HSD11B1: variants seen among roughly 807,000 people sequenced by gnomAD.
HSD11B1 encodes the protein hydroxysteroid 11-beta dehydrogenase 1, also known as 11-beta-hydroxysteroid dehydrogenase 1.
A neutral mutation model predicts 22.1 loss-of-function variants in HSD11B1; 15 were observed. That is an observed-to-expected ratio of 0.68 (90% CI 0.45 to 1.04). The LOEUF is 1.04. Among genes scored for constraint, HSD11B1 ranks in the 50% least tolerant of loss-of-function variants. The pLI, the probability that HSD11B1 is intolerant of heterozygous loss-of-function variation, is 0.00. For missense variants in HSD11B1, 281 were observed against 357.6 expected (o/e 0.79, Z 1.73); for synonymous variants, 122 against 125.2 (o/e 0.97, Z 0.17).
chr1:209,693,750 C>T (rs1460534763), intron 1 of HSD11B1, among the ~76,000 whole-genome samples: 1 of 152,204 alleles, frequency 6.6e-6, no homozygotes, highest in Non-Finnish European at 1.5e-5. Context: ...ATTTCTATCC[C>T]CCAAATCAAA....
upstream of HSD11B1, among the ~76,000 whole-genome samples, chr1:209,703,656 C>T (rs886236026): frequency 2.6e-5 from 4 of 152,116 alleles, no homozygotes; most frequent in Non-Finnish European, 5.9e-5. Context: ...AGATACTGCA[C>T]TTGGAATCAT....
intron 4 of HSD11B1, among the ~76,000 whole-genome samples, chr1:209,729,462 T>G (rs1056621123): frequency 6.6e-6 from 1 of 152,004 alleles, no homozygotes; most frequent in African/African-American, 2.4e-5. Flanking sequence ...GGCAGCTCCA[T>G]GGTCACCCAG....
In HSD11B1 at chr1:209,706,561, A is replaced by C. The variant is rs2076860162; in HGVS notation, c.220-148A>C. 1 of 737,896 alleles carries C rather than the reference A, an allele frequency of 1.4e-6. No individual in the cohort carries two copies. The allele number at this position is 737,896 out of a possible 1,614,324, so 45.7% of individuals were successfully genotyped here. A position where few individuals can be genotyped will look rare whatever the true frequency, so the allele number is the denominator to read the frequency against. On this transcript the variant is annotated intron_variant, in intron 2 of 5. Transcript: ENST00000367027. The surrounding 1 kb of genome is among the most constrained non-coding windows in gnomAD (Gnocchi z 4.0). ...AGAGGACGATGATCATGAGGGTTAT[A>C]TTAGGCAACACACACACAAACATAC... is the stretch of plus-strand genomic sequence containing the variant.
rs2076864242 is a variant in HSD11B1, at chr1:209,707,034, A to C, written c.423A>C (p.Glu141Asp). 2 of 1,614,146 alleles carry C rather than the reference A, an allele frequency of 1.2e-6. No individual in the cohort carries two copies. Among genetic ancestry groups the C allele is most frequent in the East Asian group, 4.5e-5 (2 of 44,884 alleles). ...TTCACCATGTGCGCAAAAGCATGGAAGTCAACTTCCTCAGTTACGTGGTCC... is the reference window on the plus strand; with the variant it reads ...TTCACCATGTGCGCAAAAGCATGGACGTCAACTTCCTCAGTTACGTGGTCC... ...DDIHHVRKSM[E>D]VNFLSYVVLT... The change falls in exon 4 of 6, where the codon GAA becomes GAC. Residue 141 changes from glutamate to aspartate, a missense_variant. Coordinates refer to ENST00000367027, the MANE Select transcript of HSD11B1 (RefSeq NM_005525.4).
intron 4 of HSD11B1, among the ~76,000 whole-genome samples, chr1:209,720,549 A>G (rs2076958755): frequency 6.6e-6 from 1 of 150,378 alleles, no homozygotes; most frequent in South Asian, 2.1e-4. Flanking sequence ...AGCTCTCACA[A>G]TCTAGTATGA....
At chr1:209,686,899 A>G (rs1475562650) in intron 1 of HSD11B1, among the ~76,000 whole-genome samples, 4 of 152,208 alleles carry the variant, frequency 2.6e-5, no homozygotes, top group Non-Finnish European at 4.4e-5. Flanking sequence ...TTCATGTGCT[A>G]TTCATCTATC....
upstream of HSD11B1, among the ~76,000 whole-genome samples, chr1:209,703,889 T>C (rs1156981427): frequency 1.3e-5 from 2 of 152,234 alleles, no homozygotes; most frequent in African/African-American, 2.4e-5. Context: ...AATTCTTTCT[T>C]TGAGGATTAT....
intron 4 of HSD11B1, among the ~76,000 whole-genome samples, chr1:209,714,963 C>A (rs745643624): frequency 1.1e-4 from 17 of 152,102 alleles, no homozygotes; most frequent in Non-Finnish European, 2.2e-4. Context: ...TGGCACAGGG[C>A]ATCAGAACTA....
At chr1:209,688,234 T>C (rs2076739605) in intron 1 of HSD11B1, among the ~76,000 whole-genome samples, 1 of 152,104 alleles carries the variant, frequency 6.6e-6, no homozygotes, top group Non-Finnish European at 1.5e-5. Context: ...TACATGCAGT[T>C]ACCTCTGCTT....
chr1:209,719,189 G>A (rs934098495), intron 4 of HSD11B1, among the ~76,000 whole-genome samples: 2 of 152,076 alleles, frequency 1.3e-5, no homozygotes, highest in East Asian at 1.9e-4. Context: ...AATGTAGTAC[G>A]TATATACAAT....
chr1:209,693,085 G>A (rs915592723), intron 1 of HSD11B1, among the ~76,000 whole-genome samples: 5 of 152,080 alleles, frequency 3.3e-5, no homozygotes, highest in Admixed American at 2.6e-4. Flanking sequence ...TCCCACTCCT[G>A]GGGCTCCCTC....
Position 209,705,798 on chromosome 1 carries a change from TG to T in HSD11B1, c.89-9del, listed in dbSNP as rs2076854994. 1 of 1,613,304 alleles carries T rather than the reference TG, an allele frequency of 6.2e-7. No individual in the cohort carries two copies. Among genetic ancestry groups the T allele is most frequent in the African/African-American group, 1.3e-5 (1 of 74,900 alleles). On this transcript the variant is annotated splice_polypyrimidine_tract_variant and intron_variant, in intron 1 of 5. Transcript: ENST00000367027. The stretch of plus-strand genomic sequence containing the variant: ...CTTGGGTATGGTCCTCACTTCCTTT[TG>T]GGGTTCCCCAGAGATGCTCCAAGGA...
intron 1 of HSD11B1, among the ~76,000 whole-genome samples, chr1:209,689,641 T>C (rs1226647617): frequency 6.6e-6 from 1 of 152,144 alleles, no homozygotes; most frequent in Non-Finnish European, 1.5e-5. Flanking sequence ...AACTGGTTGT[T>C]CAAAGAGCTT....
chr1:209,704,365 T>C (rs1420762377), upstream of HSD11B1, among the ~76,000 whole-genome samples: 3 of 152,080 alleles, frequency 2.0e-5, no homozygotes, highest in Non-Finnish European at 4.4e-5. Context: ...TTCTTTGCTT[T>C]CATTATTTTT....
intron 4 of HSD11B1, among the ~76,000 whole-genome samples, chr1:209,709,272 A>G (rs1234880956): frequency 1.3e-5 from 2 of 152,198 alleles, no homozygotes; most frequent in Non-Finnish European, 2.9e-5. Context: ...GGAATACTAT[A>G]CTTCTAATAT....
Position 209,726,294 on chromosome 1 carries a change from AAAAAAAAAAACC to A in HSD11B1, c.518-6136_518-6125del, listed in dbSNP as rs1215791830. ...GACTCCGTAAAAAAAAAAAAAAAAA[AAAAAAAAAAACC>A]AAAAATATTTTTTAGGCTTGGCACA... is the stretch of plus-strand genomic sequence containing the variant. On this transcript the variant is annotated intron_variant, in intron 4 of 5. Coordinates refer to ENST00000367027, the MANE Select transcript of HSD11B1 (RefSeq NM_005525.4). Among the ~76,000 whole-genome samples the A allele has an allele frequency of 2.3e-3, 341 of 150,112 alleles. 3 individuals carry two copies. The highest frequency in any genetic ancestry group is 8.1e-3 in the African/African-American group (322 of 39,836).
At chr1:209,715,517 G>A (rs2102382580) in intron 4 of HSD11B1, among the ~76,000 whole-genome samples, 1 of 152,160 alleles carries the variant, frequency 6.6e-6, no homozygotes, top group Middle Eastern at 3.4e-3. Context: ...ATCTTGTTCT[G>A]CCAGTAAGTA....
At chr1:209,731,998 C>CGG (rs2077038543) in intron 4 of HSD11B1, among the ~76,000 whole-genome samples, 1 of 152,202 alleles carries the variant, frequency 6.6e-6, no homozygotes, top group African/African-American at 2.4e-5. Context: ...TGAGCCACCA[C>CGG]ACCTGGCCAG....
chr1:209,689,449 G>GATC (rs2076746359), intron 1 of HSD11B1, among the ~76,000 whole-genome samples: 2 of 152,172 alleles, frequency 1.3e-5, no homozygotes, highest in Non-Finnish European at 2.9e-5. Flanking sequence ...AGACTACAAA[G>GATC]ATCACCAGGT....
Sources: gnomAD v4.1 joint callset for allele counts (sites outside exome capture counted in the v4.1 genomes callset) on GRCh38, gnomAD v4.1.1 for gene constraint, Gnocchi (gnomAD v3.1) non-coding constraint, MANE v1.5 for transcripts, NCBI Gene and HGNC (gene_info 2026-07-23, HGNC 2026-07-21) for gene names.